The following RPH3AL variants were observed in gnomAD, a reference collection of about 807,000 sequenced individuals.
The protein encoded by RPH3AL is rabphilin 3A like (without C2 domains), also known as rab effector Noc2.
RPH3AL carries 38 observed loss-of-function variants against 43.1 expected under a neutral mutation model. That is an observed-to-expected ratio of 0.88 (90% CI 0.68 to 1.15). The LOEUF (loss-of-function observed/expected upper bound fraction) is 1.15, where lower values mean the gene tolerates loss of function less well. Among genes scored for constraint, RPH3AL ranks in the 50% most tolerant of loss-of-function variants. The pLI is 0.00. For missense variants in RPH3AL, 462 were observed against 423.2 expected (o/e 1.09, Z -0.81); for synonymous variants, 189 against 176.3 (o/e 1.07, Z -0.57).
Position 225,729 on chromosome 17 carries a change from T to G in RPH3AL, c.614-5993A>C, listed in dbSNP as rs926671191. 2.6e-5 allele frequency among the ~76,000 whole-genome samples: 4 copies of G among 152,240 alleles called. No homozygotes were observed. Among genetic ancestry groups the G allele is most frequent in the African/African-American group, 9.6e-5 (4 of 41,470 alleles). On this transcript the variant is annotated intron_variant, in intron 7 of 9. Transcript: ENST00000331302. The surrounding 1 kb of genome is among the most constrained non-coding windows in gnomAD (Gnocchi z 4.4). The stretch of plus-strand genomic sequence containing the variant: ...TCTAGTCATGCTTCCTGACTTGGAA[T>G]GTCCCATCTCCCCCACAGCTAATAT...
chr17:218,600 G>A (rs1164443569), intron 8 of RPH3AL, among the ~76,000 whole-genome samples: 1 of 152,164 alleles, frequency 6.6e-6, no homozygotes, highest in East Asian at 1.9e-4. Context: ...TGGAGTGACC[G>A]AATGAAGCTG....
rs757595923 is a variant in RPH3AL, at chr17:323,882, C to A, written c.78-2467G>T. Among the ~76,000 whole-genome samples the A allele has an allele frequency of 1.3e-5, 2 of 150,514 alleles. No individual in the cohort carries two copies. Among genetic ancestry groups the A allele is most frequent in the African/African-American group, 4.9e-5 (2 of 40,844 alleles). ...GCAGGCCTGGACCCTCAGTCACCCC[C>A]CAAGGCAGGCCCAGACCCTTACAGT... On this transcript the variant is annotated intron_variant, in intron 3 of 9. Transcript: ENST00000331302. The surrounding 1 kb of genome is among the most constrained non-coding windows in gnomAD (Gnocchi z 4.4).
At chr17:317,853 T>G (rs1244153518) in intron 5 of RPH3AL, among the ~76,000 whole-genome samples, 1 of 152,122 alleles carries the variant, frequency 6.6e-6, no homozygotes, top group Non-Finnish European at 1.5e-5. Flanking sequence ...ACATCCACAT[T>G]TATTTCTTTT....
chr17:219,687 T>C lies in RPH3AL; in HGVS notation c.663A>G (p.Leu221=), dbSNP rs758470476. 3.1e-6 allele frequency: 5 copies of C among 1,613,612 alleles called. No individual in the cohort carries two copies. Among genetic ancestry groups the C allele is most frequent in the Non-Finnish European group, 4.2e-6 (5 of 1,179,884 alleles). Residue 221 remains leucine, a synonymous_variant, in exon 8 of 10, where the codon CTA becomes CTG. Transcript: ENST00000331302. ...DSDSDLSSSS[L]EDRLPSTGVR... ...CCCCAGTGGATGGGAGTCTGTCCTCTAGGCTGGAGGAGCTAAGATCCGAGT... is the reference window on the plus strand; with the variant it reads ...CCCCAGTGGATGGGAGTCTGTCCTCCAGGCTGGAGGAGCTAAGATCCGAGT...
At position 242,744 on chromosome 17, in the gene RPH3AL, T is replaced by C. The variant is rs201038492; in HGVS notation, c.613+4367A>G. Among the ~76,000 whole-genome samples the C allele has an allele frequency of 5.1e-3, 257 of 50,206 alleles. 20 individuals are homozygous for C. The highest frequency in any genetic ancestry group is 0.011 in the East Asian group (11 of 974). The allele number at this position is 50,206 out of a possible 152,430, so 32.9% of individuals were successfully genotyped here. A position where few individuals can be genotyped will look rare whatever the true frequency, so the allele number is the denominator to read the frequency against. ...TCTATTGACTACCTTCCTCTATTGA[T>C]TACCTTCCTCTATTGATTACCTTCC... On this transcript the variant is annotated intron_variant, in intron 7 of 9. Transcript: ENST00000331302.
chr17:307,315 A>G (rs1355979911), intron 5 of RPH3AL, among the ~76,000 whole-genome samples: 2 of 123,002 alleles, frequency 1.6e-5, no homozygotes, highest in African/African-American at 3.3e-5. Flanking sequence ...GGTCCTCCCC[A>G]CGGCAGGTCC....
intron 5 of RPH3AL, among the ~76,000 whole-genome samples, chr17:313,505 C>A (rs9909590): frequency 6.6e-6 from 1 of 152,120 alleles, no homozygotes; most frequent in Non-Finnish European, 1.5e-5. Flanking sequence ...TTCCCTCTGC[C>A]GGGAACACTG....
intron 6 of RPH3AL, among the ~76,000 whole-genome samples, chr17:259,597 G>A (rs373866381): frequency 4.6e-5 from 7 of 152,172 alleles, no homozygotes; most frequent in East Asian, 1.9e-4. Flanking sequence ...TGGAGAAGCC[G>A]AGCAACTCTG....
chr17:295,534 C>G (rs1257649005), intron 5 of RPH3AL, among the ~76,000 whole-genome samples: 6 of 57,004 alleles, frequency 1.1e-4, no homozygotes, highest in African/African-American at 1.6e-4. Flanking sequence ...AGAGGGAATG[C>G]ACATCAGTGT....
At position 225,763 on chromosome 17, in the gene RPH3AL, T is replaced by A. The variant is rs2041093630; in HGVS notation, c.614-6027A>T. On this transcript the variant is annotated intron_variant, in intron 7 of 9. Transcript: ENST00000331302. This position sits in a 1 kb window ranked among gnomAD's most constrained non-coding sequence, Gnocchi z 4.4. ...TCCCCCACAGCTAATATGGAAAATC[T>A]ACACAGTCTGGGGCTGGCGGTGGGC... Among the ~76,000 whole-genome samples the A allele has an allele frequency of 6.6e-6, 1 of 152,236 alleles. No homozygotes were observed. Among genetic ancestry groups the A allele is most frequent in the Non-Finnish European group, 1.5e-5 (1 of 68,036 alleles).
intron 3 of RPH3AL, 109 bp from the exon 4 acceptor site, chr17:321,524 T>A: frequency 7.9e-7 from 1 of 1,260,582 alleles, no homozygotes; most frequent in Non-Finnish European, 1.0e-6. Context: ...ACGGCCCAGG[T>A]GCCGCGTGCC....
chr17:235,594 C>T lies in RPH3AL; in HGVS notation c.613+11517G>A, dbSNP rs113012997. Among the ~76,000 whole-genome samples the T allele has an allele frequency of 1.8e-3, 219 of 119,732 alleles. 1 individual carries two copies. The highest frequency in any genetic ancestry group is 5.3e-3 in the African/African-American group (153 of 28,874). 78.5% of individuals were successfully genotyped at this position (119,732 alleles called of 152,430 possible). ...CGGTGGAGGCTCCACACTAACAAGA[C>T]GGATCCCGGGTTCAAAGCTGGGGTC... On this transcript the variant is annotated intron_variant, in intron 7 of 9. Coordinates refer to ENST00000331302, the MANE Select transcript of RPH3AL (RefSeq NM_006987.4).
At chr17:281,681 CACCGTCA>C in intron 6 of RPH3AL, 80 bp downstream of exon 6, 2 of 676,928 alleles carry the variant, frequency 3.0e-6, no homozygotes, top group East Asian at 2.7e-5. Flanking sequence ...CAGCCCTCCC[CACCGTCA>C]CCCTGACCGT....
intron 5 of RPH3AL, among the ~76,000 whole-genome samples, chr17:291,542 T>C (rs1190004898): frequency 6.6e-6 from 1 of 151,870 alleles, no homozygotes; most frequent in Non-Finnish European, 1.5e-5. Flanking sequence ...CCCGATAAAA[T>C]AGGATAAGAA....
At chr17:347,517 A>G (rs7405727) in intron 1 of RPH3AL, among the ~76,000 whole-genome samples, 2,118 of 152,038 alleles carry the variant, frequency 0.014, 45 homozygotes, top group Admixed American at 0.051. Context: ...CCCAGAGCTC[A>G]GGGTGGCAGG....
intron 5 of RPH3AL, among the ~76,000 whole-genome samples, chr17:307,033 C>T (rs1262598344): frequency 6.6e-6 from 1 of 152,128 alleles, no homozygotes; most frequent in East Asian, 1.9e-4. Flanking sequence ...CACTCTGCAG[C>T]CCGGGGGCCT....
At chr17:232,219 C>T (rs1339702602) in intron 7 of RPH3AL, among the ~76,000 whole-genome samples, 3 of 152,188 alleles carry the variant, frequency 2.0e-5, no homozygotes, top group Non-Finnish European at 4.4e-5. Context: ...GCTGAGACTA[C>T]GGTGCAAATT....
chr17:323,624 A>C lies in RPH3AL; in HGVS notation c.78-2209T>G, dbSNP rs1485798204. On this transcript the variant is annotated intron_variant, in intron 3 of 9. Coordinates refer to ENST00000331302, the MANE Select transcript of RPH3AL (RefSeq NM_006987.4). This position sits in a 1 kb window ranked among gnomAD's most constrained non-coding sequence, Gnocchi z 4.4. ...GGAATCACCACTCCCTCCACCCTCC[A>C]GCTAATGTAGAGAAAGGAAGGGTCC... is the stretch of plus-strand genomic sequence containing the variant. 6.6e-6 allele frequency among the ~76,000 whole-genome samples: 1 copy of C among 152,122 alleles called. No individual in the cohort carries two copies.
chr17:311,522 G>T (rs73284669), intron 5 of RPH3AL, among the ~76,000 whole-genome samples: 5,803 of 152,198 alleles, frequency 0.038, 372 homozygotes, highest in East Asian at 0.28. Flanking sequence ...CACAGTGCAC[G>T]TCACACTAGA....
Sources: gnomAD v4.1 joint callset for allele counts (sites outside exome capture counted in the v4.1 genomes callset) on GRCh38, gnomAD v4.1.1 for gene constraint, Gnocchi (gnomAD v3.1) non-coding constraint, MANE v1.5 for transcripts, NCBI Gene and HGNC (gene_info 2026-07-23, HGNC 2026-07-21) for gene names.